Variants in VSX1 observed in about 807,000 individuals in gnomAD.
VSX1 encodes visual system homeobox 1.
Under a neutral mutation model 23.6 loss-of-function variants are expected in VSX1, and 23 were observed. The ratio of observed to expected loss-of-function variants is 0.97; its 90% CI spans 0.70 to 1.38. VSX1 has a LOEUF of 1.38. Ranked by LOEUF, VSX1 falls within the 40% of genes most tolerant of loss-of-function variation. The pLI is 0.00. For synonymous variants in VSX1, 247 were observed against 215.1 expected (o/e 1.15, Z -1.30); for missense variants, 517 against 495.4 (o/e 1.04, Z -0.41).
At chr20:25,072,758 A>G, downstream of VSX1, 1 of 453,062 alleles carries the variant, frequency 2.2e-6, no homozygotes, top group Non-Finnish European at 4.5e-6. Flanking sequence ...ATTATTTGTT[A>G]TATCTTGTTC....
At chr20:25,072,950 G>C (rs2089410107), downstream of VSX1, among the ~76,000 whole-genome samples, 1 of 152,102 alleles carries the variant, frequency 6.6e-6, no homozygotes, top group Non-Finnish European at 1.5e-5. Context: ...CCACATTTCA[G>C]CTGGCAAACA....
chr20:25,076,640 C>G (rs932489909), intron 4 of VSX1, 90 bp from the exon 5 acceptor site: 1 of 1,428,858 alleles, frequency 7.0e-7, no homozygotes, highest in African/African-American at 1.4e-5. Context: ...TTCTCTAAAT[C>G]CCACTAGAAT....
chr20:25,075,198 T>C (rs542963455), downstream of VSX1, among the ~76,000 whole-genome samples: 1 of 152,212 alleles, frequency 6.6e-6, no homozygotes, highest in East Asian at 1.9e-4. Context: ...TTCCACACTT[T>C]CCTTGTACTG....
Position 25,082,050 on chromosome 20 carries a change from G to T in VSX1, c.47C>A (p.Ala16Glu). The change falls in exon 1 of 5, where the codon GCG (alanine) becomes GAG (glutamate). Residue 16 changes from alanine (A) to glutamate (E), a missense_variant. Ala to Glu is a moderately radical substitution (Grantham distance 107). Transcript: ENST00000376709. ...CCTAGGGGAACCGCCAGGCACCAGC[G>T]CCCTGCTGCTAGTGCGCCCGTCGGA... is the stretch of plus-strand genomic sequence containing the variant. ...SLSDGRTSSR[A>E]LVPGGSPRGS... 2.6e-6 allele frequency: 4 copies of T among 1,538,386 alleles called. No individual in the cohort carries two copies. The highest frequency in any genetic ancestry group is 3.5e-6 in the Non-Finnish European group (4 of 1,148,432).
In VSX1 at chr20:25,076,127, G is replaced by T. The variant is rs1263492285; in HGVS notation, c.*134C>A. ...CTCATCTGTCCTCTTAAAGCAAGTG[G>T]CATTGCATTTTATCTTGACATTGTC... On this transcript the variant is annotated 3_prime_UTR_variant, in exon 5 of 5. Coordinates refer to ENST00000376709, the MANE Select transcript of VSX1 (RefSeq NM_014588.6). 1.6e-6 allele frequency: 2 copies of T among 1,261,498 alleles called. No homozygotes were observed. Among genetic ancestry groups the T allele is most frequent in the Non-Finnish European group, 2.3e-6 (2 of 880,070 alleles). 78.1% of individuals were successfully genotyped at this position (1,261,498 alleles called of 1,614,324 possible). A position where few individuals can be genotyped will look rare whatever the true frequency, so the allele number is the denominator to read the frequency against.
intron 3 of VSX1, 124 bp downstream of exon 3, chr20:25,078,705 C>G (rs1349885034): frequency 1.9e-6 from 3 of 1,610,526 alleles, no homozygotes; most frequent in Non-Finnish European, 8.5e-7. Context: ...GCTAAGGGAC[C>G]CTCAGTTTCT....
At position 25,076,277 on chromosome 20, in the gene VSX1, TTCCC is replaced by T; in HGVS notation, c.1078_1081del (p.Gly360ArgfsTer47). On this transcript the variant is annotated frameshift_variant, in exon 5 of 5. Transcript: ENST00000376709. LOFTEE classifies it high-confidence loss of function. ...CTGTGGGTCTCATGTGGCTCCCACC[TTCCC>T]TGGCTGGGGCCCCTCCAGTGCCGTG... 1 of 1,614,198 alleles carries T rather than the reference TTCCC, an allele frequency of 6.2e-7. No individual in the cohort carries two copies. Among genetic ancestry groups the T allele is most frequent in the South Asian group, 1.1e-5 (1 of 91,078 alleles).
At chr20:25,080,415 A>C (rs1247661563) in intron 1 of VSX1, among the ~76,000 whole-genome samples, 1 of 152,258 alleles carries the variant, frequency 6.6e-6, no homozygotes, top group Admixed American at 6.5e-5. Flanking sequence ...GTGGCCAGTA[A>C]GATCAAGACA....
At chr20:25,081,634 G>T in intron 1 of VSX1, 39 bp downstream of exon 1, 1 of 1,534,010 alleles carries the variant, frequency 6.5e-7, no homozygotes, top group South Asian at 1.2e-5. Flanking sequence ...TCAGAGCCTA[G>T]GGGACAGGGG....
Position 25,076,181 on chromosome 20 carries a change from C to A in VSX1, c.*80G>T. On this transcript the variant is annotated 3_prime_UTR_variant, in exon 5 of 5. Coordinates refer to ENST00000376709, the MANE Select transcript of VSX1 (RefSeq NM_014588.6). ...AGAAAATCAAACTGAGAGTATATGT[C>A]TTGGACAATTTTTGTCTTTTGGAAA... The A allele has an allele frequency of 6.3e-7, 1 of 1,597,168 alleles. No homozygotes were observed. The highest frequency in any genetic ancestry group is 1.1e-5 in the South Asian group (1 of 90,314).
At chr20:25,071,744 C>T (rs2089383273), downstream of VSX1, 5 of 690,132 alleles carry the variant, frequency 7.2e-6, no homozygotes, top group Non-Finnish European at 1.3e-5. Context: ...ACTTGGGAGA[C>T]CAATGCTTTC....
rs1427950630 is a variant in VSX1, at chr20:25,075,812, C to A, written c.*449G>T. The A allele has an allele frequency of 1.2e-5, 2 of 167,846 alleles. No individual in the cohort carries two copies. The highest frequency in any genetic ancestry group is 2.4e-5 in the African/African-American group (1 of 41,578). The allele number at this position is 167,846 out of a possible 1,614,324, so 10.4% of individuals were successfully genotyped here. A position where few individuals can be genotyped will look rare whatever the true frequency, so the allele number is the denominator to read the frequency against. On this transcript the variant is annotated 3_prime_UTR_variant, in exon 5 of 5. Coordinates refer to ENST00000376709, the MANE Select transcript of VSX1 (RefSeq NM_014588.6). ...CAAGGTAAAGACAATATAATTCATT[C>A]ATGTGTCTGTATGGAGTCTTCACTA...
intron 2 of VSX1, 57 bp from the exon 3 acceptor site, chr20:25,079,009 C>A (rs1242312924): frequency 1.9e-6 from 3 of 1,609,714 alleles, no homozygotes; most frequent in Non-Finnish European, 2.5e-6. Flanking sequence ...CAGCAGCCTC[C>A]CTGGCCTTAA....
At position 25,078,833 on chromosome 20, in the gene VSX1, A is replaced by G; in HGVS notation, c.623T>C (p.Ile208Thr). ...GAGAAAAGGGACCCCAGACACCTGT[A>G]TCCGGTCTTCGGGGAGCTCAGTTTT... ...AVKTELPEDR[I>T]QVWFQNRRAK... is the part of the protein sequence containing the mutation. Residue 208 changes from isoleucine to threonine, a missense_variant, in exon 3 of 5, where the codon ATA (isoleucine) becomes ACA (threonine). Ile to Thr is a moderately conservative substitution (Grantham distance 89, BLOSUM62 -1). Transcript: ENST00000376709. 5 of 1,614,148 alleles carry G rather than the reference A, an allele frequency of 3.1e-6. No homozygotes were observed. The highest frequency in any genetic ancestry group is 3.4e-6 in the Non-Finnish European group (4 of 1,180,022).
At position 25,082,055 on chromosome 20, in the gene VSX1, G is replaced by T. The variant is rs1219048896; in HGVS notation, c.42C>A (p.Ser14Arg). Residue 14 changes from serine (S) to arginine (R), a missense_variant, in exon 1 of 5, where the codon AGC becomes AGA. Transcript: ENST00000376709. Reference protein sequence around the residue: ...RDSLSDGRTSSRALVPGGSPR... With the variant: ...RDSLSDGRTSRRALVPGGSPR... ...GGGAACCGCCAGGCACCAGCGCCCT[G>T]CTGCTAGTGCGCCCGTCGGAAAGCG... 6.5e-7 allele frequency: 1 copy of T among 1,538,600 alleles called. No individual in the cohort carries two copies. The highest frequency in any genetic ancestry group is 8.7e-7 in the Non-Finnish European group (1 of 1,148,456).
rs773007672 is a variant in VSX1, at chr20:25,081,819, G to A, written c.278C>T (p.Pro93Leu). 46 of 1,503,208 alleles carry A rather than the reference G, an allele frequency of 3.1e-5. No individual in the cohort carries two copies. The highest frequency in any genetic ancestry group is 2.3e-4 in the Middle Eastern group (1 of 4,270). The allele number at this position is 1,503,208 out of a possible 1,614,324, so 93.1% of individuals were successfully genotyped here. ...CAGGCAGGGTGCTCGAGCGGCCGCC[G>A]GCGGCTGCGTGCCGAAGCCACAGAG... ...GLLCGFGTQP[P>L]AAARAPCLLL... Residue 93 changes from proline to leucine, a missense_variant, in exon 1 of 5, where the codon CCG becomes CTG. Coordinates refer to ENST00000376709, the MANE Select transcript of VSX1 (RefSeq NM_014588.6).
intron 1 of VSX1, 89 bp from the exon 2 acceptor site, chr20:25,079,603 C>T (rs2089597393): frequency 7.2e-7 from 1 of 1,394,660 alleles, no homozygotes; most frequent in African/African-American, 1.4e-5. Flanking sequence ...AAGTTATGAA[C>T]CTCTTGGGTA....
intron 1 of VSX1, 49 bp from the exon 2 acceptor site, chr20:25,079,563 T>G: frequency 1.9e-6 from 3 of 1,560,144 alleles, no homozygotes; most frequent in Non-Finnish European, 1.7e-6. Flanking sequence ...TCATATCCCC[T>G]CTATTTCCTG....
rs1370769965 is a variant in VSX1 at position 25,078,897 on chromosome 20, G to A, written c.559C>T (p.His187Tyr). 3 of 1,614,176 alleles carry A rather than the reference G, an allele frequency of 1.9e-6. No homozygotes were observed. The highest frequency in any genetic ancestry group is 2.5e-6 in the Non-Finnish European group (3 of 1,180,038). Reference sequence around the variant, plus strand: ...TCTCGGGCATACACATCAGGGTAGTGGGCCTCGCTGAATGCCTTCTCCAAC... The same window carrying A: ...TCTCGGGCATACACATCAGGGTAGTAGGCCTCGCTGAATGCCTTCTCCAAC... Reference protein sequence around the residue: ...EELEKAFSEAHYPDVYAREML... With the variant: ...EELEKAFSEAYYPDVYAREML... Residue 187 changes from histidine (H) to tyrosine (Y), a missense_variant, in exon 3 of 5, where the codon CAC (histidine) becomes TAC (tyrosine). His to Tyr is a moderately conservative substitution (Grantham distance 83, BLOSUM62 2). Coordinates refer to ENST00000376709, the MANE Select transcript of VSX1 (RefSeq NM_014588.6).
Sources: gnomAD v4.1 joint callset for allele counts (sites outside exome capture counted in the v4.1 genomes callset) on GRCh38, gnomAD v4.1.1 for gene constraint, MANE v1.5 for transcripts, NCBI Gene and HGNC (gene_info 2026-07-23, HGNC 2026-07-21) for gene names.